The following GNG10 variants were observed in gnomAD, a reference collection of about 807,000 sequenced individuals.
GNG10 encodes the protein guanine nucleotide-binding protein G(I)/G(S)/G(O) subunit gamma-10.
Under a neutral mutation model 6.8 loss-of-function variants are expected in GNG10, and 7 were observed. That is an observed-to-expected ratio of 1.02 (90% CI 0.58 to 1.92). The LOEUF is 1.92. Among genes scored for constraint, GNG10 ranks in the 30% most tolerant of loss-of-function variants. The pLI, the probability that GNG10 is intolerant of heterozygous loss-of-function variation, is 0.00. For synonymous variants in GNG10, 28 were observed against 34.8 expected (o/e 0.80, Z 0.69); for missense variants, 57 against 86.1 (o/e 0.66, Z 1.34).
chr9:111,666,830 G>C lies in GNG10; in HGVS notation c.97G>C (p.Ala33Pro). Reference sequence around the variant, plus strand: ...TTTGTTTCAGGTCTCTCAGGCAGCTGCAGAGCTTCAACAGTACTGTATGCA... The same window carrying C: ...TTTGTTTCAGGTCTCTCAGGCAGCTCCAGAGCTTCAACAGTACTGTATGCA... ...VERIKVSQAA[A>P]ELQQYCMQNA... The change falls in exon 2 of 3, where the codon GCA becomes CCA. Residue 33 changes from alanine (A) to proline (P), a missense_variant. Physicochemically the swap from Ala to Pro is conservative, Grantham distance 27. Coordinates refer to ENST00000374293, the MANE Select transcript of GNG10 (RefSeq NM_001017998.4). 1 of 1,612,904 alleles carries C rather than the reference G, an allele frequency of 6.2e-7. No individual in the cohort carries two copies. Among genetic ancestry groups the C allele is most frequent in the Non-Finnish European group, 8.5e-7 (1 of 1,179,736 alleles).
chr9:111,662,636 T>C (rs1477072837), intron 1 of GNG10, among the ~76,000 whole-genome samples: 1 of 152,168 alleles, frequency 6.6e-6, no homozygotes, highest in African/African-American at 2.4e-5. Context: ...TCCCTGTGCC[T>C]CAGTTTCTCC....
Position 111,661,743 on chromosome 9 carries a change from G to T in GNG10, c.81+28G>T. On this transcript the variant is annotated intron_variant, in intron 1 of 2. Coordinates refer to ENST00000374293, the MANE Select transcript of GNG10 (RefSeq NM_001017998.4). The surrounding 1 kb of genome is among the most constrained non-coding windows in gnomAD (Gnocchi z 6.1). ...GCGGGCCCCGGGTACCCACGCTCCG[G>T]TCCTTCCGCCCGCGGGGCGTGAGAA... The T allele has an allele frequency of 7.9e-7, 1 of 1,269,176 alleles. No homozygotes were observed. Among genetic ancestry groups the T allele is most frequent in the South Asian group, 2.0e-5 (1 of 49,770 alleles). The allele number at this position is 1,269,176 out of a possible 1,614,324, so 78.6% of individuals were successfully genotyped here.
chr9:111,666,360 G>T (rs1477208034), intron 1 of GNG10, among the ~76,000 whole-genome samples: 1 of 152,098 alleles, frequency 6.6e-6, no homozygotes, highest in East Asian at 1.9e-4. Context: ...AAGCTATACC[G>T]CCTCAAAAGC....
chr9:111,668,991 G>T (rs538989561), intron 2 of GNG10, among the ~76,000 whole-genome samples: 118 of 152,142 alleles, frequency 7.8e-4, no homozygotes, highest in Non-Finnish European at 2.1e-4. Context: ...CTAGTAGCTG[G>T]GATTACAGGT....
chr9:111,667,114 T>G (rs1830913506), intron 2 of GNG10, among the ~76,000 whole-genome samples, 168 bp downstream of exon 2: 1 of 152,232 alleles, frequency 6.6e-6, no homozygotes, highest in African/African-American at 2.4e-5. Flanking sequence ...TATATTTACC[T>G]TGCCTGTAGA....
chr9:111,661,799 GC>G lies in GNG10; in HGVS notation c.81+85del, dbSNP rs1464705251. 3.8e-6 allele frequency: 3 copies of G among 788,616 alleles called. No homozygotes were observed. In the African/African-American group the frequency reaches 5.6e-5, roughly 15 times the overall value. The allele number at this position is 788,616 out of a possible 1,614,324, so 48.9% of individuals were successfully genotyped here. The stretch of plus-strand genomic sequence containing the variant: ...GGCCGGCGGCCCGGACCGGGCGCCA[GC>G]GGGGGACTCGGTGGCGGCGGCGAGG... On this transcript the variant is annotated intron_variant, in intron 1 of 2. Transcript: ENST00000374293. The surrounding 1 kb of genome is among the most constrained non-coding windows in gnomAD (Gnocchi z 6.1).
chr9:111,664,911 A>G (rs138519643), intron 1 of GNG10, among the ~76,000 whole-genome samples: 1 of 152,214 alleles, frequency 6.6e-6, no homozygotes, highest in Non-Finnish European at 1.5e-5. Context: ...ACTGGTATAT[A>G]TAACCATTAA....
chr9:111,666,808 G>T lies in GNG10; in HGVS notation c.82-7G>T. 1 of 1,612,018 alleles carries T rather than the reference G, an allele frequency of 6.2e-7. No homozygotes were observed. ...CAGGGTGCCATGTTGCTGTCCCTTT[G>T]TTTCAGGTCTCTCAGGCAGCTGCAG... is the stretch of plus-strand genomic sequence containing the variant. On this transcript the variant is annotated splice_region_variant and splice_polypyrimidine_tract_variant and intron_variant, in intron 1 of 2. Coordinates refer to ENST00000374293, the MANE Select transcript of GNG10 (RefSeq NM_001017998.4).
chr9:111,661,609 GC>G lies in GNG10; in HGVS notation c.-22del. On this transcript the variant is annotated 5_prime_UTR_variant, in exon 1 of 3. Coordinates refer to ENST00000374293, the MANE Select transcript of GNG10 (RefSeq NM_001017998.4). The surrounding 1 kb of genome is among the most constrained non-coding windows in gnomAD (Gnocchi z 6.1). ...CCTCCCCGCCCGGCCGGGCCCAGCA[GC>G]CCCTAGGAGCCCAGCGCCGCCGCCA... is the stretch of plus-strand genomic sequence containing the variant. 1 of 1,268,518 alleles carries G rather than the reference GC, an allele frequency of 7.9e-7. No individual in the cohort carries two copies. Among genetic ancestry groups the G allele is most frequent in the South Asian group, 2.0e-5 (1 of 50,842 alleles). 78.6% of individuals were successfully genotyped at this position (1,268,518 alleles called of 1,614,324 possible).
chr9:111,666,989 T>C (rs777643003), intron 2 of GNG10, 43 bp downstream of exon 2: 10 of 1,597,862 alleles, frequency 6.3e-6, no homozygotes, highest in Non-Finnish European at 8.6e-6. Context: ...CATAGCATTA[T>C]CACAGGGCTT....
rs5899961 is a variant in GNG10 at position 111,663,821 on chromosome 9, C to CT, written c.81+2122dup. Among the ~76,000 whole-genome samples, 1,092 of 144,852 alleles carry CT rather than the reference C, an allele frequency of 7.5e-3. 1 individual carries two copies. The highest frequency in any genetic ancestry group is 0.018 in the Middle Eastern group (5 of 284). On this transcript the variant is annotated intron_variant, in intron 1 of 2. Coordinates refer to ENST00000374293, the MANE Select transcript of GNG10 (RefSeq NM_001017998.4). ...GTAGCTAAGAAAGAGGAAAGATATT[C>CT]TTTTTTTTTTTTTTTTGAGATGGAG...
chr9:111,667,665 A>C lies in GNG10; in HGVS notation c.*6+719A>C, dbSNP rs574103709. Reference sequence around the variant, plus strand: ...CCAGAGTGGGAGATGTGTGCCTACCACCCGCTGTGATTTCTTTCCCAATGG... The same window carrying C: ...CCAGAGTGGGAGATGTGTGCCTACCCCCCGCTGTGATTTCTTTCCCAATGG... On this transcript the variant is annotated intron_variant, in intron 2 of 2. Transcript: ENST00000374293. Among the ~76,000 whole-genome samples, 6 of 152,112 alleles carry C rather than the reference A, an allele frequency of 3.9e-5. No individual in the cohort carries two copies. The South Asian group carries it at 1.2e-3, about 32-fold the overall frequency.
intron 2 of GNG10, among the ~76,000 whole-genome samples, chr9:111,668,698 T>G (rs971989780): frequency 2.6e-5 from 4 of 152,082 alleles, no homozygotes; most frequent in Admixed American, 6.5e-5. Flanking sequence ...TTGCTCAGGC[T>G]GTTCTCAAAC....
At chr9:111,667,372 G>A (rs535055478) in intron 2 of GNG10, among the ~76,000 whole-genome samples, 10 of 152,224 alleles carry the variant, frequency 6.6e-5, no homozygotes, top group African/African-American at 2.4e-4. Flanking sequence ...TGGGACTACA[G>A]GTGCCTGCCA....
chr9:111,662,641 T>G (rs13287129), intron 1 of GNG10, among the ~76,000 whole-genome samples: 130,775 of 151,590 alleles, frequency 0.86, 56,800 homozygotes, highest in African/African-American at 0.95. Context: ...GTGCCTCAGT[T>G]TCTCCTTTGC....
At chr9:111,667,663 C>A (rs1830925815) in intron 2 of GNG10, among the ~76,000 whole-genome samples, 1 of 152,170 alleles carries the variant, frequency 6.6e-6, no homozygotes, top group African/African-American at 2.4e-5. Flanking sequence ...TGTGTGCCTA[C>A]CACCCGCTGT....
intron 2 of GNG10, among the ~76,000 whole-genome samples, chr9:111,668,185 G>C (rs1564092584): frequency 6.6e-6 from 1 of 152,074 alleles, no homozygotes; most frequent in Non-Finnish European, 1.5e-5. Flanking sequence ...ACAAGGGCAT[G>C]AATTATTAGA....
chr9:111,664,247 T>C (rs1185541634), intron 1 of GNG10, among the ~76,000 whole-genome samples: 1 of 152,120 alleles, frequency 6.6e-6, no homozygotes, highest in African/African-American at 2.4e-5. Context: ...ATAATAAGCC[T>C]ATTTAAGAGG....
chr9:111,661,799 G>C lies in GNG10; in HGVS notation c.81+84G>C. The C allele has an allele frequency of 1.3e-6, 1 of 788,704 alleles. No homozygotes were observed. Among genetic ancestry groups the C allele is most frequent in the Non-Finnish European group, 1.7e-6 (1 of 599,066 alleles). 48.9% of individuals were successfully genotyped at this position (788,704 alleles called of 1,614,324 possible). ...GGCCGGCGGCCCGGACCGGGCGCCA[G>C]CGGGGGACTCGGTGGCGGCGGCGAG... On this transcript the variant is annotated intron_variant, in intron 1 of 2. Coordinates refer to ENST00000374293, the MANE Select transcript of GNG10 (RefSeq NM_001017998.4). The surrounding 1 kb of genome is among the most constrained non-coding windows in gnomAD (Gnocchi z 6.1).
Sources: gnomAD v4.1 joint callset for allele counts (sites outside exome capture counted in the v4.1 genomes callset) on GRCh38, gnomAD v4.1.1 for gene constraint, Gnocchi (gnomAD v3.1) non-coding constraint, MANE v1.5 for transcripts, NCBI Gene and HGNC (gene_info 2026-07-23, HGNC 2026-07-21) for gene names.